Variants in NYAP2 observed in about 807,000 individuals in gnomAD.
The protein encoded by NYAP2 is neuronal tyrosine-phosphorylated phosphoinositide-3-kinase adapter 2.
NYAP2 carries 23 observed loss-of-function variants against 50.4 expected under a neutral mutation model. The observed-to-expected ratio is 0.46, with a 90% CI of 0.33 to 0.65. NYAP2 has a LOEUF of 0.65. Among genes scored for constraint, NYAP2 ranks in the 30% least tolerant of loss-of-function variants. NYAP2 has a pLI of 0.02. For missense variants in NYAP2, 885 were observed against 861.0 expected (o/e 1.03, Z -0.35); for synonymous variants, 394 against 365.2 (o/e 1.08, Z -0.90).
chr2:225,409,916 CT>C (rs1413749272), intron 3 of NYAP2, among the ~76,000 whole-genome samples: 1 of 152,002 alleles, frequency 6.6e-6, no homozygotes, highest in Non-Finnish European at 1.5e-5. Context: ...AATATAGGGA[CT>C]TAATCCATAT....
intron 4 of NYAP2, among the ~76,000 whole-genome samples, chr2:225,554,740 G>A (rs1391242707): frequency 6.6e-6 from 1 of 152,102 alleles, no homozygotes. Context: ...TGTACAACAT[G>A]AAGACTACAG....
chr2:225,588,490 G>A (rs1018854496), intron 5 of NYAP2, among the ~76,000 whole-genome samples: 1 of 152,118 alleles, frequency 6.6e-6, no homozygotes, highest in Non-Finnish European at 1.5e-5. Context: ...GTGAGGTCCA[G>A]TGATACCTAA....
intron 4 of NYAP2, among the ~76,000 whole-genome samples, chr2:225,527,732 C>G (rs1427711118): frequency 6.6e-6 from 1 of 152,140 alleles, no homozygotes; most frequent in Non-Finnish European, 1.5e-5. Flanking sequence ...ATTGCAGCCT[C>G]AAACTCCTGG....
intron 5 of NYAP2, among the ~76,000 whole-genome samples, chr2:225,599,943 G>T (rs1293694329): frequency 6.6e-6 from 1 of 152,104 alleles, no homozygotes; most frequent in Non-Finnish European, 1.5e-5. Context: ...TCATACTGTT[G>T]TGCAAATGTA....
intron 3 of NYAP2, among the ~76,000 whole-genome samples, chr2:225,497,028 A>G (rs1032011167): frequency 6.6e-6 from 1 of 152,170 alleles, no homozygotes; most frequent in Non-Finnish European, 1.5e-5. Flanking sequence ...ATGAGGTTTG[A>G]TCAAAGGCAA....
chr2:225,442,896 A>G (rs769907146), intron 3 of NYAP2, among the ~76,000 whole-genome samples: 25 of 152,262 alleles, frequency 1.6e-4, no homozygotes, highest in Non-Finnish European at 2.9e-4. Context: ...GGTTTAATGG[A>G]CTCATAGTTC....
chr2:225,570,466 G>T (rs1384453758), intron 4 of NYAP2, among the ~76,000 whole-genome samples: 8 of 152,254 alleles, frequency 5.3e-5, no homozygotes, highest in Middle Eastern at 3.4e-3. Context: ...TGCATGGCTG[G>T]GGAGGCCTCA....
the NYAP2 span, among the ~76,000 whole-genome samples, chr2:225,691,171 C>T: frequency 6.6e-6 from 1 of 151,414 alleles, no homozygotes; most frequent in Non-Finnish European, 1.5e-5. Flanking sequence ...TATTTTTCAT[C>T]TTACATGATA....
intron 6 of NYAP2, among the ~76,000 whole-genome samples, chr2:225,647,545 G>A (rs892921848): frequency 1.3e-5 from 2 of 152,144 alleles, no homozygotes; most frequent in African/African-American, 4.8e-5. Flanking sequence ...TGGAATCACT[G>A]CCATGGTAAG....
At chr2:225,446,220 C>CTGTCTG (rs1459311924) in intron 3 of NYAP2, among the ~76,000 whole-genome samples, 23 of 70,076 alleles carry the variant, frequency 3.3e-4, no homozygotes, top group South Asian at 1.3e-3. Context: ...CTGTCTGTCT[C>CTGTCTG]TCTCTCTCTC....
chr2:225,429,369 GC>G (rs1353627645), intron 3 of NYAP2, among the ~76,000 whole-genome samples: 1 of 152,204 alleles, frequency 6.6e-6, no homozygotes, highest in Non-Finnish European at 1.5e-5. Context: ...AGTTTCCAAA[GC>G]CACAAACTGG....
intron 4 of NYAP2, among the ~76,000 whole-genome samples, chr2:225,575,281 C>T (rs1445638718): frequency 6.6e-6 from 1 of 152,188 alleles, no homozygotes; most frequent in Non-Finnish European, 1.5e-5. Context: ...CAGGCCTCTG[C>T]TGTCACTGAG....
At chr2:225,661,409 G>A in the NYAP2 span, among the ~76,000 whole-genome samples, 55 of 152,260 alleles carry the variant, frequency 3.6e-4, no homozygotes, top group South Asian at 7.3e-3. Flanking sequence ...TTATCCTTCA[G>A]GTTGAAAACA....
rs560139377 is a variant in NYAP2, at chr2:225,520,035, T to G, written c.523+6363T>G. ...CTCTGATGGCCAGTGATGGTGAGCA[T>G]TTTTTCATGTGTTTTTCAGTTACAT... On this transcript the variant is annotated intron_variant, in intron 4 of 6. Coordinates refer to ENST00000636099, the Ensembl canonical transcript of NYAP2. 2.0e-5 allele frequency among the ~76,000 whole-genome samples: 3 copies of G among 152,358 alleles called. No individual in the cohort carries two copies. In the South Asian group the frequency reaches 6.2e-4, roughly 32 times the overall value.
chr2:225,690,271 A>G, the NYAP2 span, among the ~76,000 whole-genome samples: 1 of 152,110 alleles, frequency 6.6e-6, no homozygotes, highest in African/African-American at 2.4e-5. Context: ...GCTCATTAAA[A>G]ATATTTTTTT....
the NYAP2 span, among the ~76,000 whole-genome samples, chr2:225,661,270 T>C: frequency 6.6e-6 from 1 of 152,222 alleles, no homozygotes; most frequent in African/African-American, 2.4e-5. Flanking sequence ...GCAGTACCCT[T>C]CATTCAGAAT....
chr2:225,609,114 C>T (rs1478642584), intron 5 of NYAP2, among the ~76,000 whole-genome samples: 1 of 152,096 alleles, frequency 6.6e-6, no homozygotes, highest in Non-Finnish European at 1.5e-5. Flanking sequence ...GATATGTCAT[C>T]TCTCCTACTA....
intron 6 of NYAP2, among the ~76,000 whole-genome samples, chr2:225,646,387 A>G (rs1050052114): frequency 6.6e-6 from 1 of 152,166 alleles, no homozygotes; most frequent in Non-Finnish European, 1.5e-5. Context: ...ACCCATCTCT[A>G]CTAAAAATAC....
At chr2:225,651,149 C>T (rs1693723464) in intron 6 of NYAP2, among the ~76,000 whole-genome samples, 1 of 152,162 alleles carries the variant, frequency 6.6e-6, no homozygotes, top group African/African-American at 2.4e-5. Flanking sequence ...GTTGTTGCTC[C>T]AGGGATGACT....
Sources: gnomAD v4.1 joint callset for allele counts (sites outside exome capture counted in the v4.1 genomes callset) on GRCh38, gnomAD v4.1.1 for gene constraint, MANE v1.5 for transcripts, NCBI Gene and HGNC (gene_info 2026-07-23, HGNC 2026-07-21) for gene names.